Variants in ARHGAP26 observed in about 807,000 individuals in gnomAD.
ARHGAP26 encodes rho GTPase-activating protein 26.
ARHGAP26 carries 38 observed loss-of-function variants against 104.8 expected under a neutral mutation model. That is an observed-to-expected ratio of 0.36 (90% CI 0.28 to 0.48). The LOEUF (loss-of-function observed/expected upper bound fraction) is 0.48. ARHGAP26 is among the 20% of genes least tolerant of loss of function. The probability of loss-of-function intolerance (pLI) is 0.99; values close to 1 mark genes in which losing one functional copy is unlikely to be tolerated. For synonymous variants in ARHGAP26, 341 were observed against 340.0 expected (o/e 1.00, Z -0.03); for missense variants, 704 against 947.9 (o/e 0.74, Z 3.38).
chr5:142,854,763 C>A (rs1752072294), intron 1 of ARHGAP26, among the ~76,000 whole-genome samples: 1 of 152,192 alleles, frequency 6.6e-6, no homozygotes, highest in African/African-American at 2.4e-5. Context: ...AAGCCAGACC[C>A]AAAGATGAGG....
At chr5:142,948,318 G>GTGTGT (rs1767478160) in intron 11 of ARHGAP26, among the ~76,000 whole-genome samples, 1 of 151,492 alleles carries the variant, frequency 6.6e-6, no homozygotes, top group Non-Finnish European at 1.5e-5. Flanking sequence ...AATTAGGATG[G>GTGTGT]GTGTGCATGT....
chr5:142,952,222 C>T (rs1040008387), intron 11 of ARHGAP26, among the ~76,000 whole-genome samples: 1 of 152,108 alleles, frequency 6.6e-6, no homozygotes, highest in Non-Finnish European at 1.5e-5. Flanking sequence ...TGGACCTGTC[C>T]TTTTGTGGGC....
At chr5:142,921,891 G>A (rs1005441715) in intron 10 of ARHGAP26, 3 of 152,108 alleles carry the variant, frequency 2.0e-5, no homozygotes, top group African/African-American at 7.2e-5. Context: ...CTAAAACCTG[G>A]GGCTTTATTG....
rs190629380 is a variant in ARHGAP26, at chr5:142,942,313, T to C, written c.1107+10188T>C. ...AGATACTTTCTCAGAATAATGCTTT[T>C]ACATGTATAAAATAAAATACATGGT... is the stretch of plus-strand genomic sequence containing the variant. On this transcript the variant is annotated intron_variant, in intron 11 of 22. Coordinates refer to ENST00000645722, the MANE Select transcript of ARHGAP26 (RefSeq NM_001135608.3). Among the ~76,000 whole-genome samples the C allele has an allele frequency of 2.2e-3, 336 of 152,328 alleles. 3 individuals are homozygous for C. Among genetic ancestry groups the C allele is most frequent in the African/African-American group, 7.6e-3 (314 of 41,582 alleles).
intron 11 of ARHGAP26, among the ~76,000 whole-genome samples, chr5:142,971,392 A>T (rs559551742): frequency 6.6e-6 from 1 of 152,226 alleles, no homozygotes; most frequent in South Asian, 2.1e-4. Flanking sequence ...GACAGTAGCC[A>T]TTAGGAGACT....
In ARHGAP26 at chr5:143,226,491, A is replaced by G. The variant is rs77931976; in HGVS notation, c.*4045A>G. 5.9e-6 allele frequency: 1 copy of G among 169,230 alleles called. No homozygotes were observed. Among genetic ancestry groups the G allele is most frequent in the Admixed American group, 6.4e-5 (1 of 15,512 alleles). The allele number at this position is 169,230 out of a possible 1,614,324, so 10.5% of individuals were successfully genotyped here. On this transcript the variant is annotated 3_prime_UTR_variant, in exon 23 of 23. Transcript: ENST00000645722. ...GCCAGACTCCGTCTCAAAGGAAAAA[A>G]AAAAAAAAAAAAAAAGAATGCCATG... is the stretch of plus-strand genomic sequence containing the variant.
intron 1 of ARHGAP26, among the ~76,000 whole-genome samples, chr5:142,787,133 G>A (rs1758836799): frequency 6.6e-6 from 1 of 152,050 alleles, no homozygotes; most frequent in Non-Finnish European, 1.5e-5. Context: ...AACCAGGGTG[G>A]GCACAGAACT....
intron 16 of ARHGAP26, 109 bp from the exon 17 acceptor site, chr5:143,057,533 G>T: frequency 1.2e-6 from 1 of 843,810 alleles, no homozygotes; most frequent in South Asian, 1.6e-5. Flanking sequence ...AAATCTTTGA[G>T]AAATCCTTGG....
chr5:143,186,343 C>T (rs577296437), intron 20 of ARHGAP26, among the ~76,000 whole-genome samples: 2 of 152,260 alleles, frequency 1.3e-5, no homozygotes, highest in Admixed American at 6.5e-5. Flanking sequence ...GTCCCTTTCC[C>T]CCAACCCTGT....
At chr5:143,208,214 A>G (rs1163236471) in intron 21 of ARHGAP26, among the ~76,000 whole-genome samples, 1 of 152,098 alleles carries the variant, frequency 6.6e-6, no homozygotes, top group Non-Finnish European at 1.5e-5. Context: ...TACAACCGGG[A>G]AAAGAACGAA....
chr5:143,129,236 G>A (rs976451916), intron 18 of ARHGAP26, among the ~76,000 whole-genome samples: 3 of 152,198 alleles, frequency 2.0e-5, no homozygotes, highest in Non-Finnish European at 4.4e-5. Flanking sequence ...AAATCCTCAT[G>A]TCCTGACTGC....
At chr5:142,878,735 A>C (rs1261530075) in intron 3 of ARHGAP26, among the ~76,000 whole-genome samples, 1 of 152,168 alleles carries the variant, frequency 6.6e-6, no homozygotes, top group Non-Finnish European at 1.5e-5. Context: ...AAGAATAGCC[A>C]AATGCTACGG....
At chr5:143,008,783 A>G (rs994739081) in intron 11 of ARHGAP26, among the ~76,000 whole-genome samples, 3 of 152,202 alleles carry the variant, frequency 2.0e-5, no homozygotes, top group Non-Finnish European at 4.4e-5. Context: ...TTGAAAAACA[A>G]GCCTCTCTGT....
chr5:143,159,941 A>G (rs1459273515), intron 20 of ARHGAP26, among the ~76,000 whole-genome samples: 1 of 147,734 alleles, frequency 6.8e-6, no homozygotes, highest in African/African-American at 2.5e-5. Flanking sequence ...TTTTTTTTAC[A>G]TGTGTGTGCA....
intron 11 of ARHGAP26, among the ~76,000 whole-genome samples, chr5:142,955,150 T>A (rs1219984313): frequency 6.8e-6 from 1 of 146,138 alleles, no homozygotes; most frequent in Middle Eastern, 3.2e-3. Context: ...CACACACACA[T>A]ACAAGTTTGG....
At chr5:143,025,074 C>T (rs371465551) in intron 12 of ARHGAP26, among the ~76,000 whole-genome samples, 11 of 152,210 alleles carry the variant, frequency 7.2e-5, no homozygotes, top group Non-Finnish European at 1.3e-4. Context: ...TTAAATGTTG[C>T]GCTTTATTCT....
At chr5:143,078,769 A>G (rs1396798152) in intron 17 of ARHGAP26, among the ~76,000 whole-genome samples, 2 of 152,224 alleles carry the variant, frequency 1.3e-5, no homozygotes, top group African/African-American at 4.8e-5. Context: ...GTGAAATAAG[A>G]CAGGTGGGTT....
chr5:142,843,230 A>G (rs1007357059), intron 1 of ARHGAP26, among the ~76,000 whole-genome samples: 4 of 152,174 alleles, frequency 2.6e-5, no homozygotes, highest in African/African-American at 9.7e-5. Context: ...CATGCTCCCA[A>G]GTCTCTCTGG....
intron 12 of ARHGAP26, among the ~76,000 whole-genome samples, chr5:143,021,403 G>A (rs908675233): frequency 6.6e-6 from 1 of 152,066 alleles, no homozygotes; most frequent in African/African-American, 2.4e-5. Context: ...CAGGTTTTTG[G>A]TATTACAAAT....
Sources: allele counts gnomAD v4.1 joint callset (sites outside exome capture counted in the v4.1 genomes callset), GRCh38; gene constraint gnomAD v4.1.1; transcripts MANE v1.5; gene names NCBI Gene and HGNC (gene_info 2026-07-23, HGNC 2026-07-21).